The following OCA2 variants were observed in gnomAD, a reference collection of about 807,000 sequenced individuals.
The protein encoded by OCA2 is OCA2 melanosomal transmembrane protein, also known as P protein.
A neutral mutation model predicts 100.2 loss-of-function variants in OCA2; 77 were observed. The observed-to-expected ratio is 0.77, with a 90% CI of 0.64 to 0.93. The LOEUF is 0.93. Ranked by LOEUF, OCA2 falls within the 40% of genes least tolerant of loss-of-function variation. OCA2 has a pLI of 0.00. For synonymous variants in OCA2, 432 were observed against 439.2 expected, an observed-to-expected ratio of 0.98 and a Z score of 0.21; for missense variants, 1,062 against 1,089.1, an observed-to-expected ratio of 0.98 and a Z score of 0.35.
chr15:28,016,166 C>T lies in OCA2; in HGVS notation c.828G>A (p.Val276=), dbSNP rs765544429. 8 of 1,614,062 alleles carry T rather than the reference C, an allele frequency of 5.0e-6. No homozygotes were observed. In the African/African-American group the frequency reaches 6.7e-5, roughly 13 times the overall value. Residue 276 remains valine, a synonymous_variant, in exon 8 of 24, where the codon GTG becomes GTA. Coordinates refer to ENST00000354638, the MANE Select transcript of OCA2 (RefSeq NM_000275.3). ...GCTCGCTTCTCCTCGGATTTAAATA[C>T]ACCGTCCAGTTGTGAGTGACCTGTA... ...RPQQVTHNWT[V]YLNPRRSEHS...
Position 28,081,715 on chromosome 15 carries a change from C to T in OCA2, c.160G>A (p.Gly54Arg), listed in dbSNP as rs774380004. Residue 54 changes from glycine to arginine, a missense_variant, in exon 2 of 24, where the codon GGG becomes AGG. By Grantham distance (125) the Gly-to-Arg change is moderately radical. Coordinates refer to ENST00000354638, the MANE Select transcript of OCA2 (RefSeq NM_000275.3). Reference protein sequence around the residue: ...GADPSHSCPRGAAGQSSWAPA... With the variant: ...GADPSHSCPRRAAGQSSWAPA... ...GCCCAAGAGCTCTGCCCGGCAGCCCCCCTGGGGCAGGAGTGCGAGGGGTCA... is the reference window on the plus strand; with the variant it reads ...GCCCAAGAGCTCTGCCCGGCAGCCCTCCTGGGGCAGGAGTGCGAGGGGTCA... 3.7e-6 allele frequency: 6 copies of T among 1,613,792 alleles called. No homozygotes were observed. Among genetic ancestry groups the T allele is most frequent in the Non-Finnish European group, 5.1e-6 (6 of 1,179,956 alleles).
At chr15:28,090,410 G>A (rs116579001) in intron 1 of OCA2, among the ~76,000 whole-genome samples, 1 of 152,084 alleles carries the variant, frequency 6.6e-6, no homozygotes, top group East Asian at 1.9e-4. Flanking sequence ...CTTACAAAGT[G>A]CCTACAGAAC....
chr15:27,997,981 T>C (rs2041804160), intron 9 of OCA2, among the ~76,000 whole-genome samples: 1 of 127,726 alleles, frequency 7.8e-6, no homozygotes, highest in African/African-American at 2.5e-5. Context: ...TCTCTGTTTG[T>C]CTGTTATTGG....
intron 6 of OCA2, among the ~76,000 whole-genome samples, chr15:28,022,072 A>G (rs920806549): frequency 6.6e-6 from 1 of 152,236 alleles, no homozygotes; most frequent in African/African-American, 2.4e-5. Context: ...ATGACTTCTA[A>G]CTAAAAATTC....
intron 21 of OCA2, among the ~76,000 whole-genome samples, chr15:27,862,875 G>A (rs4778200): frequency 0.23 from 35,487 of 152,126 alleles, 5,105 homozygotes; most frequent in East Asian, 0.56. Flanking sequence ...AAGGCATCCC[G>A]TCATTCTTTT....
rs2042705725 is a variant in OCA2, at chr15:28,024,966, C to A, written c.516-64G>T. The A allele has an allele frequency of 5.4e-6, 8 of 1,482,170 alleles. No homozygotes were observed. The Admixed American group carries it at 1.4e-4, about 26-fold the overall frequency. The allele number at this position is 1,482,170 out of a possible 1,614,324, so 91.8% of individuals were successfully genotyped here. ...CAGTCCTGTTGCCCAGACTCAGACA[C>A]TTTTCTGCAGCCTTGAGTAACTTCC... is the stretch of plus-strand genomic sequence containing the variant. On this transcript the variant is annotated intron_variant, in intron 4 of 23. Transcript: ENST00000354638.
At chr15:28,024,387 A>G (rs2042685021) in intron 5 of OCA2, among the ~76,000 whole-genome samples, 1 of 152,378 alleles carries the variant, frequency 6.6e-6, no homozygotes, top group Non-Finnish European at 1.5e-5. Context: ...ACACCTCCCC[A>G]GAGGGGGCAA....
At chr15:27,809,139 G>A (rs2033978109) in intron 23 of OCA2, among the ~76,000 whole-genome samples, 1 of 152,210 alleles carries the variant, frequency 6.6e-6, no homozygotes. Context: ...CTGTGTGCTT[G>A]TTTCCCAGAT....
At chr15:27,966,563 G>A in intron 15 of OCA2, 127 bp downstream of exon 15, 1 of 991,258 alleles carries the variant, frequency 1.0e-6, no homozygotes, top group East Asian at 2.4e-5. Context: ...GGTGGACGTG[G>A]AGAGTCACTG....
intron 23 of OCA2, among the ~76,000 whole-genome samples, chr15:27,797,308 G>C (rs929843596): frequency 1.3e-5 from 2 of 152,176 alleles, no homozygotes; most frequent in African/African-American, 4.8e-5. Flanking sequence ...CTAGTTACCT[G>C]TGTGTATGGC....
intron 9 of OCA2, among the ~76,000 whole-genome samples, chr15:27,996,161 T>A (rs1173786710): frequency 6.6e-6 from 1 of 151,880 alleles, no homozygotes; most frequent in Non-Finnish European, 1.5e-5. Flanking sequence ...AAAATGGAAA[T>A]CAGAAAGTAT....
At chr15:28,058,377 G>A (rs1340072228) in intron 2 of OCA2, among the ~76,000 whole-genome samples, 1 of 152,186 alleles carries the variant, frequency 6.6e-6, no homozygotes, top group Non-Finnish European at 1.5e-5. Context: ...TGGGGCCTTT[G>A]TCCGATTTTT....
At chr15:27,972,104 G>C (rs2040810955) in intron 14 of OCA2, among the ~76,000 whole-genome samples, 1 of 152,120 alleles carries the variant, frequency 6.6e-6, no homozygotes. Flanking sequence ...ACTTCACTTA[G>C]AATAATGGCC....
At chr15:27,729,031 G>A in the OCA2 span, among the ~76,000 whole-genome samples, 1 of 152,060 alleles carries the variant, frequency 6.6e-6, no homozygotes, top group African/African-American at 2.4e-5. Context: ...TCAACGCTTG[G>A]CTTGGAAATC....
chr15:27,765,251 T>C (rs1469082863), intron 23 of OCA2, among the ~76,000 whole-genome samples: 1 of 152,034 alleles, frequency 6.6e-6, no homozygotes, highest in Non-Finnish European at 1.5e-5. Flanking sequence ...AACACTGGAA[T>C]GTAAAAAAAG....
chr15:27,778,346 G>A (rs545040748), intron 23 of OCA2, among the ~76,000 whole-genome samples: 1 of 152,286 alleles, frequency 6.6e-6, no homozygotes, highest in East Asian at 1.9e-4. Flanking sequence ...TACGCACCAG[G>A]AGAATGTGAC....
At chr15:27,753,515 C>T (rs1200458374), downstream of OCA2, among the ~76,000 whole-genome samples, 4 of 151,960 alleles carry the variant, frequency 2.6e-5, no homozygotes, top group South Asian at 2.1e-4. Context: ...GGGTGGATCA[C>T]GAGGTCAGGA....
At chr15:27,984,108 G>GGAGC (rs1177461235) in intron 13 of OCA2, among the ~76,000 whole-genome samples, 2 of 151,490 alleles carry the variant, frequency 1.3e-5, no homozygotes, top group Non-Finnish European at 2.9e-5. Flanking sequence ...CTTTACCCTG[G>GGAGC]GAGCATTCCA....
chr15:28,042,660 A>T lies in OCA2; in HGVS notation c.228-10497T>A, dbSNP rs1027547181. Reference sequence around the variant, plus strand: ...GTCTCAAAGTAAATAAATAAATAATAAATAAATAAATAAATAAATAAAATG... The same window carrying T: ...GTCTCAAAGTAAATAAATAAATAATTAATAAATAAATAAATAAATAAAATG... On this transcript the variant is annotated intron_variant, in intron 2 of 23. Transcript: ENST00000354638. 2.0e-4 allele frequency among the ~76,000 whole-genome samples: 15 copies of T among 76,160 alleles called. No individual in the cohort carries two copies. The South Asian group carries it at 2.9e-3, about 15-fold the overall frequency. 50.0% of individuals were successfully genotyped at this position (76,160 alleles called of 152,430 possible).
Sources: gnomAD v4.1 joint callset for allele counts (sites outside exome capture counted in the v4.1 genomes callset) on GRCh38, gnomAD v4.1.1 for gene constraint, MANE v1.5 for transcripts, NCBI Gene and HGNC (gene_info 2026-07-23, HGNC 2026-07-21) for gene names.